Variants in MAPKAPK2 observed in about 807,000 individuals in gnomAD.
The protein encoded by MAPKAPK2 is MAP kinase-activated protein kinase 2.
MAPKAPK2 carries 9 observed loss-of-function variants against 48.8 expected under a neutral mutation model. The ratio of observed to expected loss-of-function variants is 0.18; its 90% CI spans 0.11 to 0.32. The LOEUF is 0.32. Ranked by LOEUF, MAPKAPK2 falls within the 10% of genes least tolerant of loss-of-function variation. MAPKAPK2 has a pLI of 1.00. For missense variants in MAPKAPK2, 331 were observed against 498.3 expected, an observed-to-expected ratio of 0.66 and a Z score of 3.20; for synonymous variants, 202 against 190.6, an observed-to-expected ratio of 1.06 and a Z score of -0.49.
At chr1:206,710,662 G>A (rs1553429308) in intron 1 of MAPKAPK2, among the ~76,000 whole-genome samples, 2 of 152,244 alleles carry the variant, frequency 1.3e-5, no homozygotes, top group Non-Finnish European at 2.9e-5. Context: ...AGGTCCCAGA[G>A]GAGGTGACAC....
intron 1 of MAPKAPK2, among the ~76,000 whole-genome samples, chr1:206,712,567 C>T (rs569361183): frequency 3.0e-4 from 45 of 148,420 alleles, no homozygotes; most frequent in South Asian, 2.7e-3. Flanking sequence ...CTACCTAGCA[C>T]AGACTGCCTC....
In MAPKAPK2 at chr1:206,719,464, C is replaced by A. The variant is rs954479544; in HGVS notation, c.280-9246C>A. On this transcript the variant is annotated intron_variant, in intron 1 of 9. Coordinates refer to ENST00000367103, the MANE Select transcript of MAPKAPK2 (RefSeq NM_032960.4). ...AACATTAATAACAAATAGAGACTTG[C>A]TTTTGCCTCCCAACCAAATGTTTGG... Among the ~76,000 whole-genome samples, 7 of 152,332 alleles carry A rather than the reference C, an allele frequency of 4.6e-5. No homozygotes were observed. In the East Asian group the frequency reaches 1.3e-3, roughly 29 times the overall value.
chr1:206,692,427 T>A (rs1185699930), intron 1 of MAPKAPK2, among the ~76,000 whole-genome samples: 1 of 152,210 alleles, frequency 6.6e-6, no homozygotes, highest in Non-Finnish European at 1.5e-5. Flanking sequence ...TGGTGATGTC[T>A]GTTCTCTTTC....
At chr1:206,697,814 T>C (rs1484147972) in intron 1 of MAPKAPK2, among the ~76,000 whole-genome samples, 1 of 152,260 alleles carries the variant, frequency 6.6e-6, no homozygotes, top group Admixed American at 6.5e-5. Flanking sequence ...ACAACAGATT[T>C]ACACAAGAAA....
At chr1:206,730,616 CT>C in intron 5 of MAPKAPK2, 71 bp from the exon 6 acceptor site, 1 of 1,343,172 alleles carries the variant, frequency 7.4e-7, no homozygotes, top group Non-Finnish European at 1.1e-6. Context: ...TGGGGAGCAT[CT>C]TTCACAGAGA....
In MAPKAPK2 at chr1:206,711,628, T is replaced by TA. The variant is rs1673146628; in HGVS notation, c.280-17081dup. 3.4e-5 allele frequency among the ~76,000 whole-genome samples: 5 copies of TA among 147,952 alleles called. No individual in the cohort carries two copies. The South Asian group carries it at 1.1e-3, about 32-fold the overall frequency. On this transcript the variant is annotated intron_variant, in intron 1 of 9. Coordinates refer to ENST00000367103, the MANE Select transcript of MAPKAPK2 (RefSeq NM_032960.4). Reference sequence around the variant, plus strand: ...CATTCTTTTTTTTTTTTTTTTTTTTTATGTTTTTGAGACAGGTCTCACTCT... The same window carrying TA: ...CATTCTTTTTTTTTTTTTTTTTTTTTAATGTTTTTGAGACAGGTCTCACTCT...
intron 1 of MAPKAPK2, among the ~76,000 whole-genome samples, chr1:206,691,482 G>GATATATATATATATATATAT (rs56752335): frequency 0.012 from 908 of 77,130 alleles, 43 homozygotes; most frequent in South Asian, 0.038. Flanking sequence ...TGTATTTTAA[G>GATATATATATATATATATAT]ATATATATAT....
intron 5 of MAPKAPK2, among the ~76,000 whole-genome samples, 169 bp downstream of exon 5, chr1:206,730,267 C>T (rs1553432454): frequency 6.6e-6 from 1 of 152,158 alleles, no homozygotes; most frequent in East Asian, 1.9e-4. Context: ...CAGAGCGAAG[C>T]TACAGTTGAG....
At chr1:206,722,625 G>A (rs1378082871) in intron 1 of MAPKAPK2, among the ~76,000 whole-genome samples, 2 of 152,196 alleles carry the variant, frequency 1.3e-5, no homozygotes, top group African/African-American at 4.8e-5. Flanking sequence ...CTGCTGCAGG[G>A]CTGGCAGAAG....
chr1:206,707,466 G>GA (rs1381808246), intron 1 of MAPKAPK2, among the ~76,000 whole-genome samples: 3 of 152,118 alleles, frequency 2.0e-5, no homozygotes, highest in Admixed American at 1.3e-4. Context: ...CAAAGGTAGA[G>GA]AAAAAAGGGG....
intron 1 of MAPKAPK2, among the ~76,000 whole-genome samples, chr1:206,727,788 A>AT (rs1213644775): frequency 6.6e-6 from 1 of 151,836 alleles, no homozygotes; most frequent in African/African-American, 2.4e-5. Flanking sequence ...TGCCTGGCTA[A>AT]TTTTTTTTGT....
At chr1:206,706,811 T>C (rs1272815683) in intron 1 of MAPKAPK2, among the ~76,000 whole-genome samples, 1 of 152,236 alleles carries the variant, frequency 6.6e-6, no homozygotes, top group Non-Finnish European at 1.5e-5. Context: ...TTCTAGGTCC[T>C]GGCTTGAGTG....
intron 6 of MAPKAPK2, among the ~76,000 whole-genome samples, 168 bp downstream of exon 6, chr1:206,730,931 A>C (rs1673881271): frequency 6.6e-6 from 1 of 152,156 alleles, no homozygotes; most frequent in Non-Finnish European, 1.5e-5. Flanking sequence ...AAACCAGCTC[A>C]TGGGCTGGAA....
intron 1 of MAPKAPK2, among the ~76,000 whole-genome samples, chr1:206,715,580 C>T (rs1010288787): frequency 1.3e-5 from 2 of 151,170 alleles, no homozygotes; most frequent in African/African-American, 2.4e-5. Context: ...CATCATACTC[C>T]TTGGTCTCAA....
rs1553432505 is a variant in MAPKAPK2 at position 206,730,673 on chromosome 1, A to G, written c.692-15A>G. 5 of 1,610,960 alleles carry G rather than the reference A, an allele frequency of 3.1e-6. No individual in the cohort carries two copies. The highest frequency in any genetic ancestry group is 2.5e-6 in the Non-Finnish European group (3 of 1,178,416). ...TCTGAGGGCCGGCCCACCCATGTTGACCTTTGATTTGCAGCTCCAGAAGTG... is the reference window on the plus strand; with the variant it reads ...TCTGAGGGCCGGCCCACCCATGTTGGCCTTTGATTTGCAGCTCCAGAAGTG... On this transcript the variant is annotated splice_polypyrimidine_tract_variant and intron_variant, in intron 5 of 9. Transcript: ENST00000367103.
intron 1 of MAPKAPK2, chr1:206,695,909 C>T (rs1672608510): frequency 3.2e-6 from 2 of 625,522 alleles, no homozygotes; most frequent in African/African-American, 1.8e-5. Context: ...GTCCGATCTT[C>T]ATACCTGAGC....
chr1:206,722,829 C>T (rs932170626), intron 1 of MAPKAPK2, among the ~76,000 whole-genome samples: 2 of 152,234 alleles, frequency 1.3e-5, no homozygotes, highest in South Asian at 4.1e-4. Context: ...TTCCTTTACA[C>T]CCCTCAGAGC....
chr1:206,729,171 T>C (rs1394318995), intron 3 of MAPKAPK2, 72 bp downstream of exon 3: 9 of 1,492,990 alleles, frequency 6.0e-6, no homozygotes, highest in Non-Finnish European at 8.4e-6. Flanking sequence ...GCCTTTGCAG[T>C]GCCTGCTCTT....
chr1:206,732,706 T>A lies in MAPKAPK2; in HGVS notation c.1191T>A (p.Ala397=). The change falls in exon 10 of 10, where the codon GCT becomes GCA. Residue 397 remains alanine (A), a synonymous_variant. Coordinates refer to ENST00000367103, the MANE Select transcript of MAPKAPK2 (RefSeq NM_032960.4). The surrounding 1 kb of genome is among the most constrained non-coding windows in gnomAD (Gnocchi z 4.4). Reference sequence around the variant, plus strand: ...AAGCTCGGGCCCTGGAGGCTGCGGCTCTGGCCCACTGAGCCACCGCGCCCT... The same window carrying A: ...AAGCTCGGGCCCTGGAGGCTGCGGCACTGGCCCACTGAGCCACCGCGCCCT... The part of the protein sequence containing the change: ...RKKARALEAA[A]LAH 6.2e-7 allele frequency: 1 copy of A among 1,614,166 alleles called. No homozygotes were observed. The highest frequency in any genetic ancestry group is 8.5e-7 in the Non-Finnish European group (1 of 1,180,034).
Sources: allele counts gnomAD v4.1 joint callset (sites outside exome capture counted in the v4.1 genomes callset), GRCh38; gene constraint gnomAD v4.1.1; non-coding constraint Gnocchi (gnomAD v3.1); transcripts MANE v1.5; gene names NCBI Gene and HGNC (gene_info 2026-07-23, HGNC 2026-07-21).